Variants in FPGS observed in about 807,000 individuals in gnomAD.
FPGS encodes the protein folylpolyglutamate synthase, mitochondrial.
A neutral mutation model predicts 66.5 loss-of-function variants in FPGS; 53 were observed. The observed-to-expected ratio is 0.80, with a 90% CI of 0.64 to 1.00. The LOEUF (loss-of-function observed/expected upper bound fraction) is 1.00, where lower values mean the gene tolerates loss of function less well. Ranked by LOEUF, FPGS falls within the 50% of genes least tolerant of loss-of-function variation. The pLI is 0.00. For synonymous variants in FPGS, 348 were observed against 350.9 expected (o/e 0.99, Z 0.09); for missense variants, 702 against 807.7 (o/e 0.87, Z 1.59).
At chr9:127,806,860 C>A in intron 4 of FPGS, 113 bp from the exon 5 acceptor site, 1 of 770,514 alleles carries the variant, frequency 1.3e-6, no homozygotes, top group South Asian at 1.5e-5. Context: ...AGGAACAAAC[C>A]GAGGGACACA....
At chr9:127,806,936 G>C (rs201254731) in intron 4 of FPGS, 37 bp from the exon 5 acceptor site, 4 of 1,524,664 alleles carry the variant, frequency 2.6e-6, no homozygotes, top group Non-Finnish European at 1.8e-6. Flanking sequence ...CAGGACGCTC[G>C]GGAAGGGAGT....
intron 14 of FPGS, among the ~76,000 whole-genome samples, chr9:127,812,663 C>G (rs909902394): frequency 6.6e-6 from 1 of 151,850 alleles, no homozygotes; most frequent in Non-Finnish European, 1.5e-5. Context: ...GCCACCACAC[C>G]TGGCTAATTT....
rs1428847609 is a variant in FPGS at position 127,814,014 on chromosome 9, G to A, written c.*410G>A. ...AGAGGGCCTCTGCCTGGGACACTGC[G>A]GGACAGAGGGTGGCTGGAGTGAATT... is the stretch of plus-strand genomic sequence containing the variant. On this transcript the variant is annotated 3_prime_UTR_variant, in exon 15 of 15. Coordinates refer to ENST00000373247, the MANE Select transcript of FPGS (RefSeq NM_004957.6). 12 of 1,029,142 alleles carry A rather than the reference G, an allele frequency of 1.2e-5. No individual in the cohort carries two copies. In the African/African-American group the frequency reaches 1.2e-4, roughly 10 times the overall value. The allele number at this position is 1,029,142 out of a possible 1,614,324, so 63.8% of individuals were successfully genotyped here.
At position 127,808,289 on chromosome 9, in the gene FPGS, G is replaced by A; in HGVS notation, c.800G>A (p.Arg267Lys). 1.9e-6 allele frequency: 3 copies of A among 1,614,064 alleles called. No individual in the cohort carries two copies. Among genetic ancestry groups the A allele is most frequent in the Non-Finnish European group, 2.5e-6 (3 of 1,179,954 alleles). Reference sequence around the variant, plus strand: ...CCTGAAGGTCCCCTGGCAGTGCTGAGGGACCGAGCCCAGCAGATCTCAGTA... The same window carrying A: ...CCTGAAGGTCCCCTGGCAGTGCTGAAGGACCGAGCCCAGCAGATCTCAGTA... ...LQPEGPLAVL[R>K]DRAQQISCPL... Residue 267 changes from arginine to lysine, a missense_variant, in exon 9 of 15, where the codon AGG becomes AAG. Arg to Lys is a conservative substitution (Grantham distance 26, BLOSUM62 2). Transcript: ENST00000373247.
chr9:127,806,116 C>A (rs750920767), intron 4 of FPGS, among the ~76,000 whole-genome samples: 1 of 152,226 alleles, frequency 6.6e-6, no homozygotes, highest in Non-Finnish European at 1.5e-5. Context: ...TGCCTGTAAT[C>A]CCAGCACTTT....
At chr9:127,808,945 G>GT in intron 11 of FPGS, 56 bp downstream of exon 11, 23 of 797,144 alleles carry the variant, frequency 2.9e-5, no homozygotes, top group Non-Finnish European at 4.0e-5. Context: ...TGCCCCTTCA[G>GT]ATTTTTTTTT....
Position 127,809,774 on chromosome 9 carries a change from G to T in FPGS, c.1151G>T (p.Ser384Ile), listed in dbSNP as rs1285368397. The T allele has an allele frequency of 6.4e-7, 1 of 1,572,344 alleles. No homozygotes were observed. The highest frequency in any genetic ancestry group is 2.4e-5 in the East Asian group (1 of 42,224). The change falls in exon 12 of 15, where the codon AGC becomes ATC. Residue 384 changes from serine (S) to isoleucine (I), a missense_variant. By Grantham distance (142) the Ser-to-Ile change is moderately radical. Coordinates refer to ENST00000373247, the MANE Select transcript of FPGS (RefSeq NM_004957.6). ...WYLDGAHTAS[S>I]AQACVRWFRQ... ...CTGGACGGTGCGCACACCGCCAGCA[G>T]CGCGCAGGCCTGCGTGCGCTGGTTC...
intron 1 of FPGS, chr9:127,803,305 T>C (rs1588548530): frequency 3.3e-6 from 4 of 1,221,458 alleles, no homozygotes; most frequent in Non-Finnish European, 4.1e-6. Flanking sequence ...AAGTGGGAAG[T>C]GGCACAGGAG....
rs1829869719 is a variant in FPGS, at chr9:127,807,595, GGTGTGCGGA to G, written c.654_662del (p.Cys219_Val221del). 1 of 1,613,192 alleles carries G rather than the reference GGTGTGCGGA, an allele frequency of 6.2e-7. No homozygotes were observed. The highest frequency in any genetic ancestry group is 1.3e-5 in the African/African-American group (1 of 74,880). On this transcript the variant is annotated inframe_deletion, in exon 8 of 15. Transcript: ENST00000373247. This position sits in a 1 kb window ranked among gnomAD's most constrained non-coding sequence, Gnocchi z 5.8. ...TTTTCCTCCCCTGCAGGAAGCCTGT[GGTGTGCGGA>G]GTCTCCTCTCTTGGCATCGACCACA...
At chr9:127,810,924 G>A in intron 13 of FPGS, 21 bp from the exon 14 acceptor site, 3 of 1,484,464 alleles carry the variant, frequency 2.0e-6, no homozygotes, top group Non-Finnish European at 1.9e-6. Flanking sequence ...CTGACACCAA[G>A]TCTTTCCCTT....
chr9:127,811,939 A>G (rs571359497), intron 14 of FPGS, among the ~76,000 whole-genome samples: 1 of 152,292 alleles, frequency 6.6e-6, no homozygotes, highest in Non-Finnish European at 1.5e-5. Context: ...TGTGTTTTTT[A>G]CCATGTATCA....
In FPGS at chr9:127,807,302, C is replaced by T. The variant is rs1442171899; in HGVS notation, c.579+16C>T. The T allele has an allele frequency of 2.5e-6, 4 of 1,614,010 alleles. No individual in the cohort carries two copies. The highest frequency in any genetic ancestry group is 3.4e-6 in the Non-Finnish European group (4 of 1,179,882). On this transcript the variant is annotated intron_variant, in intron 6 of 14. Coordinates refer to ENST00000373247, the MANE Select transcript of FPGS (RefSeq NM_004957.6). The surrounding 1 kb of genome is among the most constrained non-coding windows in gnomAD (Gnocchi z 5.8). ...CCAAGAGAAGGTGTGTGCCCTCTCC[C>T]TAGAACCCTGCATCTGAGGCCTTGG...
Position 127,809,816 on chromosome 9 carries a change from G to A in FPGS, c.1193G>A (p.Gly398Asp), listed in dbSNP as rs1355826016. The A allele has an allele frequency of 4.8e-6, 7 of 1,443,592 alleles. No homozygotes were observed. The highest frequency in any genetic ancestry group is 1.5e-5 in the African/African-American group (1 of 68,076). The allele number at this position is 1,443,592 out of a possible 1,614,324, so 89.4% of individuals were successfully genotyped here. Residue 398 changes from glycine to aspartate, a missense_variant, in exon 12 of 15, where the codon GGC becomes GAC. Gly to Asp is a moderately conservative substitution (Grantham distance 94). Coordinates refer to ENST00000373247, the MANE Select transcript of FPGS (RefSeq NM_004957.6). The part of the protein sequence containing the change: ...CVRWFRQALQ[G>D]RERPSGGPEV... ...CGCTGGTTCCGCCAGGCGCTGCAGG[G>A]CCGCGAGAGGCCGAGCGGGTGAGGG...
Position 127,802,955 on chromosome 9 carries a change from G to C in FPGS, c.31G>C (p.Ala11Pro). Residue 11 changes from alanine (A) to proline (P), a missense_variant, in exon 1 of 15, where the codon GCT (alanine) becomes CCT (proline). Physicochemically the swap from Ala to Pro is conservative, Grantham distance 27 (BLOSUM62 -1). Transcript: ENST00000373247. MSRARSHLRAALFLAAASARG... is the reference protein window; with the variant it reads MSRARSHLRAPLFLAAASARG... The stretch of plus-strand genomic sequence containing the variant: ...GCGGGCGCGGAGCCACCTGCGCGCC[G>C]CTCTATTCCTGGCAGCGGCGTCTGC... The C allele has an allele frequency of 7.0e-7, 1 of 1,434,680 alleles. No homozygotes were observed. Among genetic ancestry groups the C allele is most frequent in the Non-Finnish European group, 9.1e-7 (1 of 1,101,698 alleles). The allele number at this position is 1,434,680 out of a possible 1,614,324, so 88.9% of individuals were successfully genotyped here. A position where few individuals can be genotyped will look rare whatever the true frequency, so the allele number is the denominator to read the frequency against.
intron 9 of FPGS, 29 bp downstream of exon 9, chr9:127,808,340 A>AG (rs1249652140): frequency 6.3e-7 from 1 of 1,599,412 alleles, no homozygotes; most frequent in Admixed American, 1.7e-5. Flanking sequence ...GGGCAGCGGC[A>AG]GGGTGGGTTT....
chr9:127,808,932 C>A, intron 11 of FPGS, 43 bp downstream of exon 11: 117 of 1,160,962 alleles, frequency 1.0e-4, no homozygotes, highest in Non-Finnish European at 1.3e-4. Flanking sequence ...CTGCGTGTGT[C>A]TGTGCCCCTT....
In FPGS at chr9:127,813,334, A is replaced by G. The variant is rs141447015; in HGVS notation, c.1494A>G (p.Ala498=). 3 of 1,612,792 alleles carry G rather than the reference A, an allele frequency of 1.9e-6. No individual in the cohort carries two copies. In the African/African-American group the frequency reaches 4.0e-5, roughly 22 times the overall value. ...SAPSPEPGGS[A]SLLLAPHPPH... The stretch of plus-strand genomic sequence containing the variant: ...CCAGCCCAGAGCCCGGTGGGTCCGC[A>G]TCCCTGCTTCTGGCGCCCCACCCAC... The change falls in exon 15 of 15, where the codon GCA becomes GCG. Residue 498 remains alanine, a synonymous_variant. Coordinates refer to ENST00000373247, the MANE Select transcript of FPGS (RefSeq NM_004957.6).
chr9:127,808,946 A>ATTTT (rs543518198), intron 11 of FPGS, 57 bp downstream of exon 11: 36 of 888,116 alleles, frequency 4.1e-5, no homozygotes, highest in African/African-American at 8.0e-5. Flanking sequence ...GCCCCTTCAG[A>ATTTT]TTTTTTTTTT....
chr9:127,808,877 C>A lies in FPGS; in HGVS notation c.1048C>A (p.His350Asn). The A allele has an allele frequency of 6.4e-7, 1 of 1,564,056 alleles. No individual in the cohort carries two copies. The highest frequency in any genetic ancestry group is 2.4e-5 in the East Asian group (1 of 41,764). The change falls in exon 11 of 15, where the codon CAC becomes AAC. Residue 350 changes from histidine (H) to asparagine (N), a missense_variant. Physicochemically the swap from His to Asn is moderately conservative, Grantham distance 68. This residue lies in a region of FPGS where 351 missense variants were observed against 363.7 expected (regional missense o/e 0.97). Transcript: ENST00000373247. ...GGCACCTGTGTTCCAGCCCACATCC[C>A]ACATGCGGCTCGGTGAGTTAGACCT... ...PLAPVFQPTS[H>N]MRLGLRNTEW...
Sources: gnomAD v4.1 joint callset for allele counts (sites outside exome capture counted in the v4.1 genomes callset) on GRCh38, gnomAD v4.1.1 for gene constraint, gnomAD v4.1.1 regional missense constraint, Gnocchi (gnomAD v3.1) non-coding constraint, MANE v1.5 for transcripts, NCBI Gene and HGNC (gene_info 2026-07-23, HGNC 2026-07-21) for gene names.